The following CFAP54 variants were observed in gnomAD, a reference collection of about 807,000 sequenced individuals.
CFAP54 encodes cilia and flagella associated protein 54.
In CFAP54, 290 loss-of-function variants were observed where a neutral mutation model predicts 370.4. That is an observed-to-expected ratio of 0.78 (90% CI 0.71 to 0.86). The LOEUF (loss-of-function observed/expected upper bound fraction) is 0.86, where lower values mean the gene tolerates loss of function less well. Ranked by LOEUF, CFAP54 falls within the 40% of genes least tolerant of loss-of-function variation. CFAP54 has a pLI of 0.00. For missense variants in CFAP54, 3,399 were observed against 3,528.7 expected (o/e 0.96, Z 0.93); for synonymous variants, 1,206 against 1,236.5 (o/e 0.98, Z 0.52).
chr12:96,492,228 T>A (rs759746331), intron 1 of CFAP54, among the ~76,000 whole-genome samples: 1 of 152,166 alleles, frequency 6.6e-6, no homozygotes, highest in Non-Finnish European at 1.5e-5. Flanking sequence ...TTATCTAAAG[T>A]CTTTCTATTG....
chr12:96,529,615 C>G (rs1955419229), intron 9 of CFAP54, among the ~76,000 whole-genome samples: 1 of 152,144 alleles, frequency 6.6e-6, no homozygotes, highest in Non-Finnish European at 1.5e-5. Flanking sequence ...AAGTTAAACA[C>G]TTTTTCATAT....
intron 50 of CFAP54, among the ~76,000 whole-genome samples, chr12:96,723,890 C>G (rs1957793423): frequency 7.1e-6 from 1 of 140,236 alleles, no homozygotes; most frequent in Non-Finnish European, 1.5e-5. Context: ...CATGTGTTCT[C>G]AGTGTTCAGT....
intron 32 of CFAP54, among the ~76,000 whole-genome samples, chr12:96,643,783 T>C (rs17378018): frequency 0.098 from 14,865 of 152,238 alleles, 902 homozygotes; most frequent in Middle Eastern, 0.16. Flanking sequence ...CGTTGTTTTT[T>C]CCTTAAGGAC....
intron 66 of CFAP54, among the ~76,000 whole-genome samples, chr12:96,859,449 G>A (rs183654257): frequency 1.9e-3 from 288 of 151,392 alleles, no homozygotes; most frequent in African/African-American, 4.3e-3. Flanking sequence ...AGTTTCACCC[G>A]GGCTGGAGAG....
chr12:96,835,832 G>T lies in CFAP54; in HGVS notation c.9171+6744G>T, dbSNP rs558458163. Among the ~76,000 whole-genome samples, 4 of 152,296 alleles carry T rather than the reference G, an allele frequency of 2.6e-5. No individual in the cohort carries two copies. In the South Asian group the frequency reaches 8.3e-4, roughly 32 times the overall value. ...GTGTGGGGCTCCCACTAGCTCCATG[G>T]AGTGTGCAGCCCCAGCCATGCCTTC... On this transcript the variant is annotated intron_variant, in intron 66 of 67. Transcript: ENST00000524981.
At chr12:96,748,914 G>C (rs1007703022) in intron 55 of CFAP54, among the ~76,000 whole-genome samples, 2 of 152,092 alleles carry the variant, frequency 1.3e-5, no homozygotes, top group African/African-American at 4.8e-5. Context: ...ATTTCTTCTT[G>C]CTTAATTATT....
At chr12:96,619,704 A>G (rs1451745579) in intron 26 of CFAP54, among the ~76,000 whole-genome samples, 2 of 152,230 alleles carry the variant, frequency 1.3e-5, no homozygotes, top group African/African-American at 2.4e-5. Flanking sequence ...TTGCCCAGTT[A>G]TCTGTAAGCT....
intron 17 of CFAP54, among the ~76,000 whole-genome samples, chr12:96,560,514 A>G (rs1256692840): frequency 1.3e-5 from 2 of 152,236 alleles, no homozygotes; most frequent in African/African-American, 2.4e-5. Flanking sequence ...TCTTCAATCT[A>G]GAATAACTCC....
At chr12:96,692,205 G>T (rs1957396366) in intron 44 of CFAP54, among the ~76,000 whole-genome samples, 2 of 152,050 alleles carry the variant, frequency 1.3e-5, no homozygotes, top group African/African-American at 4.8e-5. Flanking sequence ...GTATTAAAGA[G>T]ATTGATAAGT....
intron 32 of CFAP54, among the ~76,000 whole-genome samples, chr12:96,632,263 T>G (rs1374435565): frequency 6.6e-6 from 1 of 152,038 alleles, no homozygotes; most frequent in African/African-American, 2.4e-5. Flanking sequence ...TTTAAAGTTT[T>G]TTAATAATTA....
chr12:96,556,877 G>A (rs929763994), intron 17 of CFAP54, among the ~76,000 whole-genome samples: 1 of 151,938 alleles, frequency 6.6e-6, no homozygotes, highest in South Asian at 2.1e-4. Context: ...ACATAGAGGG[G>A]AACAATAGAC....
chr12:96,797,693 T>C (rs1958780345), intron 63 of CFAP54, among the ~76,000 whole-genome samples: 1 of 152,134 alleles, frequency 6.6e-6, no homozygotes, highest in South Asian at 2.1e-4. Context: ...TTTATTTTGC[T>C]TATTATTTTC....
intron 17 of CFAP54, among the ~76,000 whole-genome samples, chr12:96,561,473 G>T (rs1401689473): frequency 6.6e-6 from 1 of 152,000 alleles, no homozygotes; most frequent in Non-Finnish European, 1.5e-5. Context: ...CATGAAAACA[G>T]ACTAATACAG....
At chr12:96,562,670 A>G (rs149783882) in intron 17 of CFAP54, among the ~76,000 whole-genome samples, 1,992 of 152,060 alleles carry the variant, frequency 0.013, 60 homozygotes, top group African/African-American at 0.046. Flanking sequence ...ACCTCAAACG[A>G]TCTGCCCACC....
At chr12:96,729,137 C>T (rs1592729846) in intron 50 of CFAP54, among the ~76,000 whole-genome samples, 1 of 151,844 alleles carries the variant, frequency 6.6e-6, no homozygotes, top group African/African-American at 2.4e-5. Context: ...GGTCGGGGAC[C>T]CACTTGAGGA....
In CFAP54 at chr12:96,620,583, AAACT is replaced by A. The variant is rs756238190; in HGVS notation, c.3640-1004_3640-1001del. Among the ~76,000 whole-genome samples, 117 of 152,378 alleles carry A rather than the reference AAACT, an allele frequency of 7.7e-4. 1 individual carries two copies. Among genetic ancestry groups the A allele is most frequent in the Admixed American group, 1.4e-3 (21 of 15,308 alleles). On this transcript the variant is annotated intron_variant, in intron 26 of 67. Transcript: ENST00000524981. The stretch of plus-strand genomic sequence containing the variant: ...ATGTCTTTATTATAAGTGTGAGAAC[AAACT>A]AATACACTTGTCTTAAATACTAACA...
chr12:96,627,024 A>G (rs1393028653), intron 30 of CFAP54, 85 bp downstream of exon 30: 1 of 1,002,666 alleles, frequency 1.0e-6, no homozygotes, highest in Admixed American at 3.8e-5. Context: ...AAGGTAGACG[A>G]AAAAGAGAGT....
intron 28 of CFAP54, among the ~76,000 whole-genome samples, chr12:96,624,601 T>C (rs1565918624): frequency 6.6e-6 from 1 of 152,334 alleles, no homozygotes; most frequent in East Asian, 1.9e-4. Flanking sequence ...TATTGTCACA[T>C]TTTTAAAAAG....
intron 65 of CFAP54, among the ~76,000 whole-genome samples, chr12:96,822,455 AT>A (rs1374981133): frequency 1.3e-5 from 2 of 152,228 alleles, no homozygotes; most frequent in Non-Finnish European, 2.9e-5. Context: ...GCAAGATACA[AT>A]TGGAAATTAG....
Sources: allele counts gnomAD v4.1 joint callset (sites outside exome capture counted in the v4.1 genomes callset), GRCh38; gene constraint gnomAD v4.1.1; transcripts MANE v1.5; gene names NCBI Gene and HGNC (gene_info 2026-07-23, HGNC 2026-07-21).